The following ST6GALNAC3 variants were observed in gnomAD, a reference collection of about 807,000 sequenced individuals.
ST6GALNAC3 encodes alpha-N-acetylgalactosaminide alpha-2,6-sialyltransferase 3.
In ST6GALNAC3, 25 loss-of-function variants were observed where a neutral mutation model predicts 32.7. The observed-to-expected ratio is 0.76, with a 90% CI of 0.56 to 1.07. The LOEUF (loss-of-function observed/expected upper bound fraction) is 1.07, where lower values mean the gene tolerates loss of function less well. Ranked by LOEUF, ST6GALNAC3 falls within the 50% of genes least tolerant of loss-of-function variation. The pLI is 0.00. For missense variants in ST6GALNAC3, 355 were observed against 382.4 expected, an observed-to-expected ratio of 0.93 and a Z score of 0.60; for synonymous variants, 129 against 133.1, an observed-to-expected ratio of 0.97 and a Z score of 0.21.
intron 2 of ST6GALNAC3, among the ~76,000 whole-genome samples, chr1:76,393,909 T>C (rs895951544): frequency 1.3e-5 from 2 of 152,058 alleles, no homozygotes; most frequent in African/African-American, 4.8e-5. Context: ...TTACTAAGAA[T>C]TGGAGAGAAA....
chr1:76,583,373 C>A (rs1440666525), intron 3 of ST6GALNAC3, among the ~76,000 whole-genome samples: 3 of 152,166 alleles, frequency 2.0e-5, no homozygotes, highest in Admixed American at 2.0e-4. Context: ...TGGCTATTGA[C>A]ATGCAGGGCT....
At chr1:76,322,346 T>C (rs1186268453) in intron 2 of ST6GALNAC3, among the ~76,000 whole-genome samples, 1 of 152,144 alleles carries the variant, frequency 6.6e-6, no homozygotes, top group African/African-American at 2.4e-5. Context: ...TTCCAGACAT[T>C]GTGCTAAGGA....
chr1:76,260,329 T>C (rs999739158), intron 1 of ST6GALNAC3, among the ~76,000 whole-genome samples: 1 of 152,242 alleles, frequency 6.6e-6, no homozygotes, highest in Non-Finnish European at 1.5e-5. Context: ...GTATTCTTTG[T>C]GGTGGTGGCC....
intron 3 of ST6GALNAC3, among the ~76,000 whole-genome samples, chr1:76,512,209 G>GA (rs963147262): frequency 1.3e-5 from 2 of 152,026 alleles, no homozygotes; most frequent in African/African-American, 4.8e-5. Flanking sequence ...TTACTACTAT[G>GA]AAAAAAATAG....
At chr1:76,345,994 A>T (rs545360856) in intron 2 of ST6GALNAC3, among the ~76,000 whole-genome samples, 1 of 152,102 alleles carries the variant, frequency 6.6e-6, no homozygotes, top group South Asian at 2.1e-4. Flanking sequence ...AAAGTCTCCC[A>T]TGGCCACCCC....
chr1:76,527,965 A>G (rs577524952), intron 3 of ST6GALNAC3, among the ~76,000 whole-genome samples: 1 of 152,268 alleles, frequency 6.6e-6, no homozygotes, highest in African/African-American at 2.4e-5. Context: ...TCAACATTAC[A>G]TATTAGTATG....
At chr1:76,083,296 A>G (rs1258814112) in intron 1 of ST6GALNAC3, among the ~76,000 whole-genome samples, 1 of 152,264 alleles carries the variant, frequency 6.6e-6, no homozygotes, top group Non-Finnish European at 1.5e-5. Flanking sequence ...GACTAGTGGG[A>G]TATGCACTTG....
intron 1 of ST6GALNAC3, among the ~76,000 whole-genome samples, chr1:76,141,431 C>T (rs1650313074): frequency 6.6e-6 from 1 of 152,162 alleles, no homozygotes; most frequent in African/African-American, 2.4e-5. Context: ...AACCACACCT[C>T]CTAGGTCCTG....
At chr1:76,218,111 G>T (rs1655574321) in intron 1 of ST6GALNAC3, among the ~76,000 whole-genome samples, 1 of 151,872 alleles carries the variant, frequency 6.6e-6, no homozygotes, top group African/African-American at 2.4e-5. Context: ...CATAGTTGTT[G>T]TACTAGTTTA....
chr1:76,361,486 T>C (rs1488881286), intron 2 of ST6GALNAC3, among the ~76,000 whole-genome samples: 1 of 152,250 alleles, frequency 6.6e-6, no homozygotes, highest in African/African-American at 2.4e-5. Flanking sequence ...TCTATAAACA[T>C]GTGGGTTGCT....
At chr1:76,280,921 A>G (rs1450305545) in intron 1 of ST6GALNAC3, among the ~76,000 whole-genome samples, 3 of 152,166 alleles carry the variant, frequency 2.0e-5, no homozygotes, top group Admixed American at 6.5e-5. Context: ...ACTTCCCTCC[A>G]CCCAACTATG....
chr1:76,227,828 A>G (rs1460678302), intron 1 of ST6GALNAC3, among the ~76,000 whole-genome samples: 10 of 152,202 alleles, frequency 6.6e-5, no homozygotes, highest in Non-Finnish European at 1.2e-4. Context: ...TCATGTGACC[A>G]TATAGCATGT....
intron 1 of ST6GALNAC3, among the ~76,000 whole-genome samples, chr1:76,128,533 G>C (rs1039510489): frequency 1.3e-5 from 2 of 152,166 alleles, no homozygotes; most frequent in Admixed American, 6.5e-5. Flanking sequence ...TCCTGGGGAG[G>C]GATGACAGGC....
At chr1:76,161,080 G>T (rs1018800809) in intron 1 of ST6GALNAC3, among the ~76,000 whole-genome samples, 4 of 152,154 alleles carry the variant, frequency 2.6e-5, no homozygotes, top group African/African-American at 9.7e-5. Flanking sequence ...CTGTAGAGAT[G>T]GGCCGGTGAC....
chr1:76,094,843 CTCTT>C (rs1365492252), intron 1 of ST6GALNAC3, among the ~76,000 whole-genome samples: 1 of 152,092 alleles, frequency 6.6e-6, no homozygotes, highest in Non-Finnish European at 1.5e-5. Flanking sequence ...CTTCTCCCTG[CTCTT>C]TCTATCTCTG....
intron 3 of ST6GALNAC3, among the ~76,000 whole-genome samples, chr1:76,494,549 A>AT (rs2101704233): frequency 3.5e-5 from 3 of 86,188 alleles, no homozygotes; most frequent in Admixed American, 1.2e-4. Context: ...TCATGTGTAT[A>AT]AACACACACA....
At position 76,080,703 on chromosome 1, in the gene ST6GALNAC3, G is replaced by A. The variant is rs374263059; in HGVS notation, c.18+5819G>A. Among the ~76,000 whole-genome samples, 42 of 151,916 alleles carry A rather than the reference G, an allele frequency of 2.8e-4. 1 individual carries two copies. Among genetic ancestry groups the A allele is most frequent in the African/African-American group, 1.0e-3 (42 of 41,452 alleles). On this transcript the variant is annotated intron_variant, in intron 1 of 4. Coordinates refer to ENST00000328299, the MANE Select transcript of ST6GALNAC3 (RefSeq NM_152996.4). The stretch of plus-strand genomic sequence containing the variant: ...GATTGTGTGGTTCTCAAACGATGAG[G>A]TCTCAAAGCATTTGAAAACAGTATG...
intron 3 of ST6GALNAC3, among the ~76,000 whole-genome samples, chr1:76,488,567 C>T (rs1324314464): frequency 6.6e-6 from 1 of 152,084 alleles, no homozygotes; most frequent in South Asian, 2.1e-4. Flanking sequence ...ACAGGCTGGC[C>T]CAGAGCCAAC....
chr1:76,468,854 A>G (rs145431592), intron 3 of ST6GALNAC3, among the ~76,000 whole-genome samples: 1 of 152,160 alleles, frequency 6.6e-6, no homozygotes, highest in African/African-American at 2.4e-5. Context: ...AATACTTATG[A>G]AGTAGAGGAA....
Sources: allele counts gnomAD v4.1 joint callset (sites outside exome capture counted in the v4.1 genomes callset), GRCh38; gene constraint gnomAD v4.1.1; transcripts MANE v1.5; gene names NCBI Gene and HGNC (gene_info 2026-07-23, HGNC 2026-07-21).